The following CNOT2 variants were observed in gnomAD, a reference collection of about 807,000 sequenced individuals.
The protein encoded by CNOT2 is CCR4-NOT transcription complex subunit 2.
A neutral mutation model predicts 72.1 loss-of-function variants in CNOT2; 7 were observed. That is an observed-to-expected ratio of 0.10 (90% CI 0.06 to 0.18). CNOT2 has a LOEUF of 0.18. CNOT2 is among the 10% of genes least tolerant of loss of function. The pLI, the probability that CNOT2 is intolerant of heterozygous loss-of-function variation, is 1.00. For synonymous variants in CNOT2, 196 were observed against 225.6 expected (o/e 0.87, Z 1.17); for missense variants, 345 against 660.3 (o/e 0.52, Z 5.23).
rs141218733 is a variant in CNOT2, at chr12:70,294,957, A to T, written c.49-15938A>T. ...ATCCTGTGTCGTGTGTGTGTGTGTG[A>T]GAGAGAGAGAGAGATGCCAACACTC... is the stretch of plus-strand genomic sequence containing the variant. On this transcript the variant is annotated intron_variant, in intron 2 of 15. Transcript: ENST00000229195. 1.2e-3 allele frequency among the ~76,000 whole-genome samples: 179 copies of T among 150,408 alleles called. 1 individual carries two copies. The highest frequency in any genetic ancestry group is 2.4e-3 in the Admixed American group (36 of 15,076).
Position 70,319,287 on chromosome 12 carries a change from T to C in CNOT2, c.172-11T>C. The C allele has an allele frequency of 6.2e-7, 1 of 1,608,218 alleles. No homozygotes were observed. Among genetic ancestry groups the C allele is most frequent in the Non-Finnish European group, 8.5e-7 (1 of 1,176,132 alleles). On this transcript the variant is annotated splice_polypyrimidine_tract_variant and intron_variant, in intron 3 of 15. Coordinates refer to ENST00000229195, the MANE Select transcript of CNOT2 (RefSeq NM_014515.7). ...TTTCTTTATGCTCTAATATAATTAA[T>C]TTGTTTCTAGATGCTGGCATCACCA...
intron 4 of CNOT2, among the ~76,000 whole-genome samples, chr12:70,325,785 A>G (rs75093226): frequency 0.095 from 14,495 of 151,818 alleles, 896 homozygotes; most frequent in Middle Eastern, 0.18. Context: ...CTGCTTTGCA[A>G]ATGGAAAAGG....
intron 1 of CNOT2, among the ~76,000 whole-genome samples, chr12:70,271,585 C>T (rs773316155): frequency 6.6e-6 from 1 of 151,924 alleles, no homozygotes; most frequent in Non-Finnish European, 1.5e-5. Flanking sequence ...GTTGGCCAGA[C>T]TGGTCTTGAA....
chr12:70,324,148 A>G lies in CNOT2; in HGVS notation c.238+4784A>G, dbSNP rs576676409. 2.0e-5 allele frequency: 3 copies of G among 151,882 alleles called. No homozygotes were observed. The East Asian group carries it at 5.8e-4, about 29-fold the overall frequency. 9.4% of individuals were successfully genotyped at this position (151,882 alleles called of 1,614,324 possible). ...GTTTCTTTGATACCTGAATGCCATG[A>G]CCCTAGAAAGCCATTTGTACATAGT... On this transcript the variant is annotated intron_variant, in intron 4 of 15. Coordinates refer to ENST00000229195, the MANE Select transcript of CNOT2 (RefSeq NM_014515.7).
intron 3 of CNOT2, among the ~76,000 whole-genome samples, chr12:70,315,133 G>A (rs1419857010): frequency 6.6e-6 from 1 of 151,990 alleles, no homozygotes; most frequent in Non-Finnish European, 1.5e-5. Context: ...CAAAGTGCTG[G>A]GATTACAGGT....
At chr12:70,253,037 G>C (rs1958228349) in intron 1 of CNOT2, among the ~76,000 whole-genome samples, 1 of 152,140 alleles carries the variant, frequency 6.6e-6, no homozygotes, top group African/African-American at 2.4e-5. Flanking sequence ...TTCCTACCAG[G>C]AATTTTGTTT....
At chr12:70,278,717 C>T (rs938643228) in intron 2 of CNOT2, among the ~76,000 whole-genome samples, 4 of 152,020 alleles carry the variant, frequency 2.6e-5, no homozygotes, top group Admixed American at 2.6e-4. Flanking sequence ...AAATGAGAAA[C>T]CCAGGGTGCT....
intron 2 of CNOT2, among the ~76,000 whole-genome samples, chr12:70,303,933 C>T (rs566348619): frequency 6.6e-6 from 1 of 152,160 alleles, no homozygotes; most frequent in Non-Finnish European, 1.5e-5. Flanking sequence ...TTTCTCTAAA[C>T]TTCTCGCTGC....
At chr12:70,348,546 A>C (rs571396421) in intron 15 of CNOT2, among the ~76,000 whole-genome samples, 1 of 152,186 alleles carries the variant, frequency 6.6e-6, no homozygotes, top group African/African-American at 2.4e-5. Flanking sequence ...TCTCCATTCA[A>C]TTTGAACATT....
intron 1 of CNOT2, among the ~76,000 whole-genome samples, chr12:70,276,130 C>G (rs2135795903): frequency 6.6e-6 from 1 of 151,968 alleles, no homozygotes; most frequent in Non-Finnish European, 1.5e-5. Flanking sequence ...ATACAAAAAT[C>G]CATAATTCTT....
At chr12:70,315,696 C>T (rs1877212408) in intron 3 of CNOT2, among the ~76,000 whole-genome samples, 2 of 152,096 alleles carry the variant, frequency 1.3e-5, no homozygotes, top group Non-Finnish European at 1.5e-5. Flanking sequence ...TGTTGTTTGA[C>T]TGCAGTGTGC....
chr12:70,257,311 T>G (rs527690759), intron 1 of CNOT2, among the ~76,000 whole-genome samples: 1 of 151,726 alleles, frequency 6.6e-6, no homozygotes, highest in African/African-American at 2.4e-5. Flanking sequence ...GCACATCCGA[T>G]AGTATACAGG....
chr12:70,252,098 C>T (rs775133261), intron 1 of CNOT2, among the ~76,000 whole-genome samples: 1 of 152,168 alleles, frequency 6.6e-6, no homozygotes, highest in Non-Finnish European at 1.5e-5. Context: ...TGTTAATTGA[C>T]ATGCAGAAAC....
intron 1 of CNOT2, among the ~76,000 whole-genome samples, chr12:70,269,263 T>G (rs1231475641): frequency 6.6e-6 from 1 of 151,860 alleles, no homozygotes; most frequent in Admixed American, 6.6e-5. Context: ...TAAACTCAAT[T>G]TCGCTCTGAA....
chr12:70,334,729 A>G (rs750150291), intron 7 of CNOT2: 3 of 152,098 alleles, frequency 2.0e-5, no homozygotes, highest in Non-Finnish European at 2.9e-5. Context: ...TTTTAACTTA[A>G]AATGAACAAA....
At chr12:70,273,518 C>T (rs1456629458) in intron 1 of CNOT2, among the ~76,000 whole-genome samples, 1 of 152,098 alleles carries the variant, frequency 6.6e-6, no homozygotes, top group Non-Finnish European at 1.5e-5. Flanking sequence ...AGAAGCTAAG[C>T]AACTTGTGTA....
At chr12:70,259,313 T>G (rs1284285158) in intron 1 of CNOT2, among the ~76,000 whole-genome samples, 21 of 136,950 alleles carry the variant, frequency 1.5e-4, no homozygotes, top group Non-Finnish European at 2.6e-4. Context: ...CATGCAGGGC[T>G]TATTTTTTTT....
Position 70,278,255 on chromosome 12 carries a change from C to G in CNOT2, c.29C>G (p.Ser10Cys). The change falls in exon 2 of 16, where the codon TCT (serine) becomes TGT (cysteine). Residue 10 changes from serine (S) to cysteine (C), a missense_variant. Ser to Cys is a moderately radical substitution (Grantham distance 112). Coordinates refer to ENST00000229195, the MANE Select transcript of CNOT2 (RefSeq NM_014515.7). The part of the protein sequence containing the change: MVRTDGHTL[S>C]EKRNYQVTNS... The stretch of plus-strand genomic sequence containing the variant: ...GTGAGGACTGATGGACATACATTAT[C>G]TGAGAAAAGAAACTACCAGGTAAGA... 1 of 1,611,406 alleles carries G rather than the reference C, an allele frequency of 6.2e-7. No individual in the cohort carries two copies. Among genetic ancestry groups the G allele is most frequent in the Non-Finnish European group, 8.5e-7 (1 of 1,177,640 alleles).
At chr12:70,267,186 G>C (rs1959093145) in intron 1 of CNOT2, among the ~76,000 whole-genome samples, 1 of 152,018 alleles carries the variant, frequency 6.6e-6, no homozygotes, top group Non-Finnish European at 1.5e-5. Context: ...ACAAACTGTA[G>C]CTTAAAATAC....
Sources: gnomAD v4.1 joint callset for allele counts (sites outside exome capture counted in the v4.1 genomes callset) on GRCh38, gnomAD v4.1.1 for gene constraint, MANE v1.5 for transcripts, NCBI Gene and HGNC (gene_info 2026-07-23, HGNC 2026-07-21) for gene names.